USP32: variants seen among roughly 807,000 people sequenced by gnomAD.
USP32 encodes the protein ubiquitin carboxyl-terminal hydrolase 32.
In USP32, 59 loss-of-function variants were observed where a neutral mutation model predicts 204.8. That is an observed-to-expected ratio of 0.29 (90% CI 0.23 to 0.36). The LOEUF (loss-of-function observed/expected upper bound fraction) is 0.36. USP32 is among the 10% of genes least tolerant of loss of function. The pLI is 1.00. For synonymous variants in USP32, 517 were observed against 678.4 expected (o/e 0.76, Z 3.70); for missense variants, 1,160 against 1,946.4 (o/e 0.60, Z 7.60).
upstream of USP32, chr17:60,392,299 G>C: frequency 2.9e-6 from 1 of 340,520 alleles, no homozygotes; most frequent in Non-Finnish European, 5.5e-6. Context: ...CCCGGTAACG[G>C]CCGCCCAGGG....
rs2089846908 is a variant in USP32, at chr17:60,392,009, G to A, written c.-70C>T. ...CCCACCCCCCTCCCGCCTTCTCCTCGGCGTCCCTGGGTGACGGTGACGGTG... is the reference window on the plus strand; with the variant it reads ...CCCACCCCCCTCCCGCCTTCTCCTCAGCGTCCCTGGGTGACGGTGACGGTG... On this transcript the variant is annotated 5_prime_UTR_variant, in exon 1 of 34. Transcript: ENST00000300896. 2 of 1,441,800 alleles carry A rather than the reference G, an allele frequency of 1.4e-6. No individual in the cohort carries two copies. Among genetic ancestry groups the A allele is most frequent in the East Asian group, 2.7e-5 (1 of 37,068 alleles). The allele number at this position is 1,441,800 out of a possible 1,614,324, so 89.3% of individuals were successfully genotyped here. A position where few individuals can be genotyped will look rare whatever the true frequency, so the allele number is the denominator to read the frequency against.
chr17:60,420,822 T>C (rs2090105958), intron 1 of USP32, among the ~76,000 whole-genome samples: 1 of 152,246 alleles, frequency 6.6e-6, no homozygotes, highest in Non-Finnish European at 1.5e-5. Flanking sequence ...TTTCTATGCA[T>C]ATATAAATAT....
rs142985645 is a variant in USP32 at position 60,418,947 on chromosome 17, G to A, written c.106+3299C>T. Among the ~76,000 whole-genome samples the A allele has an allele frequency of 5.3e-5, 8 of 152,324 alleles. No homozygotes were observed. The East Asian group carries it at 1.3e-3, about 26-fold the overall frequency. The stretch of plus-strand genomic sequence containing the variant: ...TAAATTAGTTCAACCATAGCGGAAA[G>A]TAGTGTGGTGAATCCTCAAAGAGCT... On this transcript the variant is annotated intron_variant, in intron 1 of 3. Coordinates refer to the USP32 transcript ENST00000588898.
chr17:60,332,477 G>A (rs1304930863), intron 2 of USP32, among the ~76,000 whole-genome samples: 2 of 150,784 alleles, frequency 1.3e-5, no homozygotes, highest in East Asian at 2.0e-4. Flanking sequence ...GTGAAACCAC[G>A]ACTCTACTAA....
upstream of USP32, among the ~76,000 whole-genome samples, chr17:60,394,635 CACAA>C (rs2089887385): frequency 6.6e-6 from 1 of 152,212 alleles, no homozygotes; most frequent in Non-Finnish European, 1.5e-5. Context: ...AGATTACTTA[CACAA>C]ACCTAAATGG....
chr17:60,404,074 A>G (rs1336478992), intron 1 of USP32, among the ~76,000 whole-genome samples: 2 of 151,928 alleles, frequency 1.3e-5, no homozygotes, highest in Non-Finnish European at 2.9e-5. Context: ...AAAAAGAAAG[A>G]AAAAGAAATA....
intron 5 of USP32, among the ~76,000 whole-genome samples, chr17:60,286,303 G>A (rs1458196953): frequency 6.6e-6 from 1 of 152,082 alleles, no homozygotes; most frequent in African/African-American, 2.4e-5. Flanking sequence ...TTGGAAATAG[G>A]GTCTTTGCGG....
chr17:60,242,185 C>T (rs1212246595), intron 11 of USP32, among the ~76,000 whole-genome samples: 4 of 152,090 alleles, frequency 2.6e-5, no homozygotes, highest in Non-Finnish European at 5.9e-5. Context: ...CAGGTGTGAT[C>T]ACTGCATACT....
chr17:60,261,578 A>G (rs2086454078), intron 9 of USP32, among the ~76,000 whole-genome samples: 1 of 152,028 alleles, frequency 6.6e-6, no homozygotes, highest in Non-Finnish European at 1.5e-5. Flanking sequence ...CCCAGGACGT[A>G]GAGGTTCCAG....
intron 2 of USP32, among the ~76,000 whole-genome samples, chr17:60,322,931 C>A (rs1395351255): frequency 6.6e-6 from 1 of 152,048 alleles, no homozygotes; most frequent in Non-Finnish European, 1.5e-5. Flanking sequence ...CAGGAAAATG[C>A]AAATCAAAAC....
At chr17:60,400,901 T>C (rs73322686) in intron 1 of USP32, among the ~76,000 whole-genome samples, 87 of 152,266 alleles carry the variant, frequency 5.7e-4, no homozygotes, top group African/African-American at 2.0e-3. Flanking sequence ...GTGCCACCTG[T>C]GATCCCAGCT....
chr17:60,297,899 C>T (rs1474943813), intron 3 of USP32, among the ~76,000 whole-genome samples: 1 of 152,214 alleles, frequency 6.6e-6, no homozygotes, highest in Non-Finnish European at 1.5e-5. Flanking sequence ...CAAGCCGTAA[C>T]TACAGCTTTG....
intron 11 of USP32, among the ~76,000 whole-genome samples, chr17:60,251,743 T>A (rs746506578): frequency 1.3e-5 from 2 of 152,090 alleles, no homozygotes; most frequent in Admixed American, 6.5e-5. Flanking sequence ...CTAAAGTAAA[T>A]CCTTAAGCCA....
chr17:60,212,824 A>G (rs1298106448), intron 18 of USP32, among the ~76,000 whole-genome samples: 2 of 150,812 alleles, frequency 1.3e-5, no homozygotes, highest in African/African-American at 4.9e-5. Flanking sequence ...TGTGATCTTG[A>G]GTCACTGCAA....
At position 60,256,717 on chromosome 17, in the gene USP32, C is replaced by A. The variant is rs542215068; in HGVS notation, c.991-1459G>T. ...GAAAGGAACATCAATGCCTGCACCA[C>A]GGCAACAGAAGAACTTCAAAGGCTA... On this transcript the variant is annotated intron_variant, in intron 9 of 33. Transcript: ENST00000300896. The A allele has an allele frequency of 5.4e-5, 61 of 1,138,482 alleles. No individual in the cohort carries two copies. The African/African-American group carries it at 9.5e-4, about 18-fold the overall frequency. The allele number at this position is 1,138,482 out of a possible 1,614,324, so 70.5% of individuals were successfully genotyped here. A position where few individuals can be genotyped will look rare whatever the true frequency, so the allele number is the denominator to read the frequency against.
chr17:60,227,572 TTTTTC>T (rs2085428850), intron 12 of USP32, among the ~76,000 whole-genome samples: 1 of 150,642 alleles, frequency 6.6e-6, no homozygotes, highest in South Asian at 2.1e-4. Context: ...GCCCATTCAG[TTTTTC>T]TTTTCTTTTT....
Position 60,236,195 on chromosome 17 carries a change from G to T in USP32, c.1182C>A (p.His394Gln), listed in dbSNP as rs374786424. Residue 394 changes from histidine (H) to glutamine (Q), a missense_variant, in exon 12 of 34, where the codon CAC becomes CAA. By Grantham distance (24) the His-to-Gln change is conservative. Around this residue, in one of 8 missense-constraint regions of USP32, gnomAD observed 536 missense variants for 680.9 expected, o/e 0.79. Coordinates refer to ENST00000300896, the MANE Select transcript of USP32 (RefSeq NM_032582.4). ...ACTGCATGGAGATGATAAACCAGTT[G>T]TGTCCTGCTTGCAGACCATACCTGC... ...RESRYGLQAGHNWFIISMQWW... is the reference protein window; with the variant it reads ...RESRYGLQAGQNWFIISMQWW... 1.2e-6 allele frequency: 2 copies of T among 1,613,840 alleles called. No homozygotes were observed. The highest frequency in any genetic ancestry group is 2.7e-5 in the African/African-American group (2 of 74,894).
In USP32 at chr17:60,334,775, C is replaced by G. The variant is rs2088477625; in HGVS notation, c.186+10706G>C. Reference sequence around the variant, plus strand: ...ACAGTGTATTCTGTGTATAAGTAGACCTGCGCTATTCAAATCCATATTGTT... The same window carrying G: ...ACAGTGTATTCTGTGTATAAGTAGAGCTGCGCTATTCAAATCCATATTGTT... On this transcript the variant is annotated intron_variant, in intron 2 of 33. Coordinates refer to ENST00000300896, the MANE Select transcript of USP32 (RefSeq NM_032582.4). 2.8e-5 allele frequency among the ~76,000 whole-genome samples: 4 copies of G among 143,040 alleles called. 1 individual carries two copies. In the South Asian group the frequency reaches 8.5e-4, roughly 30 times the overall value. The allele number at this position is 143,040 out of a possible 152,430, so 93.8% of individuals were successfully genotyped here.
chr17:60,187,223 T>G (rs1007523974), intron 29 of USP32, among the ~76,000 whole-genome samples: 22 of 152,228 alleles, frequency 1.4e-4, no homozygotes, highest in African/African-American at 4.8e-4. Flanking sequence ...TCTCAAATGC[T>G]GCTATAAACT....
Sources: gnomAD v4.1 joint callset for allele counts (sites outside exome capture counted in the v4.1 genomes callset) on GRCh38, gnomAD v4.1.1 for gene constraint, gnomAD v4.1.1 regional missense constraint, MANE v1.5 for transcripts, NCBI Gene and HGNC (gene_info 2026-07-23, HGNC 2026-07-21) for gene names.